Variants in INSRR observed in about 807,000 individuals in gnomAD.
INSRR encodes insulin receptor-related protein.
Under a neutral mutation model 130.0 loss-of-function variants are expected in INSRR, and 114 were observed. The observed-to-expected ratio is 0.88, with a 90% CI of 0.75 to 1.02. The LOEUF is 1.02. Ranked by LOEUF, INSRR falls within the 50% of genes least tolerant of loss-of-function variation. The pLI is 0.00. For missense variants in INSRR, 1,657 were observed against 1,735.2 expected, an observed-to-expected ratio of 0.95 and a Z score of 0.80; for synonymous variants, 674 against 705.2, an observed-to-expected ratio of 0.96 and a Z score of 0.70.
chr1:156,841,153 C>T (rs374129757), intron 21 of INSRR, 49 bp from the exon 22 acceptor site: 347 of 1,386,444 alleles, frequency 2.5e-4, no homozygotes, highest in Non-Finnish European at 3.1e-4. Flanking sequence ...GCCCCTGCCA[C>T]GCTCTCAGCC....
chr1:156,845,560 A>T, intron 10 of INSRR, 59 bp downstream of exon 10: 3 of 1,348,678 alleles, frequency 2.2e-6, no homozygotes, highest in Non-Finnish European at 3.0e-6. Flanking sequence ...CTCCCGCAAG[A>T]CCCGCCCCTC....
chr1:156,852,908 G>C (rs1655276175), intron 2 of INSRR, among the ~76,000 whole-genome samples: 1 of 152,162 alleles, frequency 6.6e-6, no homozygotes, highest in Non-Finnish European at 1.5e-5. Context: ...CCGCCCTGCT[G>C]CTGAGGCGCT....
Position 156,841,402 on chromosome 1 carries a change from G to T in INSRR, c.3654C>A (p.Pro1218=), listed in dbSNP as rs777665636. The change falls in exon 21 of 22, where the codon CCC becomes CCA. Residue 1218 remains proline, a synonymous_variant. Transcript: ENST00000368195. ...CAGGGGAGGTGACTCACAGCTGAAG[G>T]GGACAGCCCTCCAGCTCCTCCAGGA... The part of the protein sequence containing the change: ...GGVLEELEGC[P]LQLQELMSRC... 1 of 1,613,742 alleles carries T rather than the reference G, an allele frequency of 6.2e-7. No homozygotes were observed. The highest frequency in any genetic ancestry group is 2.2e-5 in the East Asian group (1 of 44,864).
At chr1:156,858,045 AG>A (rs1400680738) in intron 1 of INSRR, among the ~76,000 whole-genome samples, 3 of 152,036 alleles carry the variant, frequency 2.0e-5, no homozygotes, top group African/African-American at 7.2e-5. Context: ...GGGCCCTAAG[AG>A]GGGGGACACA....
intron 7 of INSRR, among the ~76,000 whole-genome samples, chr1:156,847,749 T>C (rs1473047506): frequency 6.6e-6 from 1 of 151,816 alleles, no homozygotes; most frequent in Non-Finnish European, 1.5e-5. Flanking sequence ...CTGGGTCTGT[T>C]TGGAGTCAGG....
At position 156,858,071 on chromosome 1, in the gene INSRR, AG is replaced by A. The variant is rs542257429; in HGVS notation, c.85+465del. On this transcript the variant is annotated intron_variant, in intron 1 of 21. Coordinates refer to ENST00000368195, the MANE Select transcript of INSRR (RefSeq NM_014215.3). ...GGGGGGACACAGGACAGGGCCCTGGAGGCAGGAGCTCAGGACCCAGTCTAGC... is the reference window on the plus strand; with the variant it reads ...GGGGGGACACAGGACAGGGCCCTGGAGCAGGAGCTCAGGACCCAGTCTAGC... 1.7e-3 allele frequency among the ~76,000 whole-genome samples: 259 copies of A among 152,250 alleles called. 2 individuals are homozygous for A. Among genetic ancestry groups the A allele is most frequent in the African/African-American group, 6.0e-3 (248 of 41,524 alleles).
In INSRR at chr1:156,845,230, C is replaced by G; in HGVS notation, c.2283G>C (p.Glu761Asp). ...LRLGGNSSDF[E>D]IQEDKVPRER... ...CACGGGGCACCTTGTCCTCCTGGAT[C>G]TCGAAATCCGAGCTGTTGCCCCCCA... The change falls in exon 12 of 22, where the codon GAG becomes GAC. Residue 761 changes from glutamate (E) to aspartate (D), a missense_variant. Transcript: ENST00000368195. The G allele has an allele frequency of 6.2e-7, 1 of 1,610,210 alleles. No homozygotes were observed. Among genetic ancestry groups the G allele is most frequent in the African/African-American group, 1.3e-5 (1 of 75,016 alleles).
chr1:156,849,024 C>T lies in INSRR; in HGVS notation c.1468G>A (p.Val490Met). ...CGGTCTGCCTCCGTCACGTTGGACA[C>T]GAAGCGCAGGGTGCGAGTCTGGCCT... is the stretch of plus-strand genomic sequence containing the variant. The part of the protein sequence containing the change: ...AACQTRTLRF[V>M]SNVTEADRIL... The change falls in exon 7 of 22, where the codon GTG (valine) becomes ATG (methionine). Residue 490 changes from valine (V) to methionine (M), a missense_variant. Coordinates refer to ENST00000368195, the MANE Select transcript of INSRR (RefSeq NM_014215.3). 1 of 1,613,466 alleles carries T rather than the reference C, an allele frequency of 6.2e-7. No individual in the cohort carries two copies. Among genetic ancestry groups the T allele is most frequent in the Non-Finnish European group, 8.5e-7 (1 of 1,179,914 alleles).
rs1487496783 is a variant in INSRR, at chr1:156,849,444, C to T, written c.1246G>A (p.Val416Met). 4 of 1,430,090 alleles carry T rather than the reference C, an allele frequency of 2.8e-6. No individual in the cohort carries two copies. Among genetic ancestry groups the T allele is most frequent in the East Asian group, 3.5e-5 (1 of 28,290 alleles). 88.6% of individuals were successfully genotyped at this position (1,430,090 alleles called of 1,614,324 possible). The change falls in exon 6 of 22, where the codon GTG (valine) becomes ATG (methionine). Residue 416 changes from valine to methionine, a missense_variant. By Grantham distance (21) the Val-to-Met change is conservative. Coordinates refer to ENST00000368195, the MANE Select transcript of INSRR (RefSeq NM_014215.3). Reference sequence around the variant, plus strand: ...TGTTGTAGGTTCTGGTTGTCCAGCACGTAGAGAGTGTAGTTCCTGGGGGAG... The same window carrying T: ...TGTTGTAGGTTCTGGTTGTCCAGCATGTAGAGAGTGTAGTTCCTGGGGGAG... ...AMVDGNYTLY[V>M]LDNQNLQQLG... is the part of the protein sequence containing the mutation.
At chr1:156,844,961 G>T in intron 12 of INSRR, 115 bp downstream of exon 12, 1 of 1,548,504 alleles carries the variant, frequency 6.5e-7, no homozygotes, top group South Asian at 1.2e-5. Flanking sequence ...TATGGGAACT[G>T]AGAGGGGCAA....
At chr1:156,850,617 C>T (rs575241231) in intron 5 of INSRR, among the ~76,000 whole-genome samples, 21 of 136,978 alleles carry the variant, frequency 1.5e-4, no homozygotes, top group Admixed American at 4.1e-4. Flanking sequence ...TGCAGTGGCA[C>T]GATTTCGGCT....
At position 156,848,932 on chromosome 1, in the gene INSRR, G is replaced by A; in HGVS notation, c.1560C>T (p.Tyr520=). The change falls in exon 7 of 22, where the codon TAC becomes TAT. Residue 520 remains tyrosine, a synonymous_variant. Coordinates refer to ENST00000368195, the MANE Select transcript of INSRR (RefSeq NM_014215.3). ...CCCCCGGCACTCACGACTCCTTGTAGTACACGATGAAGCTGAGCAGGTCGC... is the reference window on the plus strand; with the variant it reads ...CCCCCGGCACTCACGACTCCTTGTAATACACGATGAAGCTGAGCAGGTCGC... ...EARDLLSFIV[Y]YKESPFQNAT... is the part of the protein sequence containing the mutation. 1 of 1,578,904 alleles carries A rather than the reference G, an allele frequency of 6.3e-7. No individual in the cohort carries two copies. Among genetic ancestry groups the A allele is most frequent in the Non-Finnish European group, 8.6e-7 (1 of 1,162,506 alleles).
At chr1:156,855,176 T>TTATCTATCTATA (rs1655363579) in intron 1 of INSRR, among the ~76,000 whole-genome samples, 1 of 143,462 alleles carries the variant, frequency 7.0e-6, no homozygotes, top group South Asian at 2.4e-4. Flanking sequence ...CCATCCAATT[T>TTATCTATCTATA]TATCTATCTA....
intron 12 of INSRR, 104 bp downstream of exon 12, chr1:156,844,972 G>A: frequency 6.5e-7 from 1 of 1,535,092 alleles, no homozygotes; most frequent in Non-Finnish European, 8.8e-7. Context: ...AGAGGGGCAA[G>A]CAAAGCGAGG....
chr1:156,841,792 A>C lies in INSRR; in HGVS notation c.3400T>G (p.Phe1134Val), dbSNP rs1321225924. Reference sequence around the variant, plus strand: ...TCATACACGTCCCGAGTCATCCCGAAGTCTGGAAAGTGAGGGTGAGGGTGG... The same window carrying C: ...TCATACACGTCCCGAGTCATCCCGACGTCTGGAAAGTGAGGGTGAGGGTGG... ...SQDFTVKIGD[F>V]GMTRDVYETD... The change falls in exon 20 of 22, where the codon TTC becomes GTC. Residue 1134 changes from phenylalanine to valine, a missense_variant and splice_region_variant. Coordinates refer to ENST00000368195, the MANE Select transcript of INSRR (RefSeq NM_014215.3). 6.2e-7 allele frequency: 1 copy of C among 1,613,988 alleles called. No individual in the cohort carries two copies. The highest frequency in any genetic ancestry group is 1.3e-5 in the African/African-American group (1 of 74,910).
At chr1:156,850,531 A>C (rs1298184224) in intron 5 of INSRR, among the ~76,000 whole-genome samples, 1 of 97,020 alleles carries the variant, frequency 1.0e-5, no homozygotes, top group Non-Finnish European at 2.1e-5. Flanking sequence ...AATTTAAAAC[A>C]TTCTTTTTTT....
intron 19 of INSRR, 148 bp from the exon 20 acceptor site, chr1:156,841,942 T>C (rs1400075293): frequency 1.3e-6 from 2 of 1,550,230 alleles, no homozygotes; most frequent in Non-Finnish European, 1.8e-6. Context: ...TCAGAACTCA[T>C]CCCATCCAAA....
At chr1:156,855,212 T>TATCTATCTATCTATCTATCTATC (rs60194471) in intron 1 of INSRR, among the ~76,000 whole-genome samples, 61 of 28,584 alleles carry the variant, frequency 2.1e-3, no homozygotes, top group South Asian at 3.4e-3. Context: ...ATCTATCTAT[T>TATCTATCTATCTATCTATCTATC]TATTTATTTG....
Position 156,849,592 on chromosome 1 carries a change from C to G in INSRR, c.1230-132G>C, listed in dbSNP as rs988529231. On this transcript the variant is annotated intron_variant, in intron 5 of 21. Coordinates refer to ENST00000368195, the MANE Select transcript of INSRR (RefSeq NM_014215.3). Reference sequence around the variant, plus strand: ...AGGGGCACTCAGTGGCTGGCTCACACCAGCACACCGGGGGCATTCGTGCAT... The same window carrying G: ...AGGGGCACTCAGTGGCTGGCTCACAGCAGCACACCGGGGGCATTCGTGCAT... 3 of 663,460 alleles carry G rather than the reference C, an allele frequency of 4.5e-6. No homozygotes were observed. The African/African-American group carries it at 5.4e-5, about 12-fold the overall frequency. 41.1% of individuals were successfully genotyped at this position (663,460 alleles called of 1,614,324 possible).
Sources: allele counts gnomAD v4.1 joint callset (sites outside exome capture counted in the v4.1 genomes callset), GRCh38; gene constraint gnomAD v4.1.1; transcripts MANE v1.5; gene names NCBI Gene and HGNC (gene_info 2026-07-23, HGNC 2026-07-21).